The following PLEK variants were observed in gnomAD, a reference collection of about 807,000 sequenced individuals.
PLEK encodes the protein pleckstrin.
A neutral mutation model predicts 43.9 loss-of-function variants in PLEK; 25 were observed. That is an observed-to-expected ratio of 0.57 (90% CI 0.41 to 0.79). PLEK has a LOEUF of 0.79. Ranked by LOEUF, PLEK falls within the 30% of genes least tolerant of loss-of-function variation. PLEK has a pLI of 0.00. For synonymous variants in PLEK, 152 were observed against 144.4 expected, an observed-to-expected ratio of 1.05 and a Z score of -0.38; for missense variants, 396 against 413.3, an observed-to-expected ratio of 0.96 and a Z score of 0.36.
At chr2:68,368,930 G>A (rs1673338334) in intron 1 of PLEK, among the ~76,000 whole-genome samples, 1 of 152,188 alleles carries the variant, frequency 6.6e-6, no homozygotes, top group East Asian at 1.9e-4. Flanking sequence ...ATGGGAAAGG[G>A]AAGGGCAAGC....
chr2:68,393,775 A>G (rs748431220), intron 7 of PLEK, among the ~76,000 whole-genome samples: 2 of 152,178 alleles, frequency 1.3e-5, no homozygotes, highest in Non-Finnish European at 2.9e-5. Flanking sequence ...CATCAGGTGC[A>G]TGGGACCAAA....
chr2:68,376,777 A>G (rs1558497293), intron 1 of PLEK, among the ~76,000 whole-genome samples: 1 of 152,162 alleles, frequency 6.6e-6, no homozygotes, highest in South Asian at 2.1e-4. Flanking sequence ...AAACAATCCA[A>G]TTACGCTCTT....
intron 1 of PLEK, among the ~76,000 whole-genome samples, chr2:68,370,694 C>T (rs553915521): frequency 1.3e-5 from 2 of 152,172 alleles, no homozygotes; most frequent in South Asian, 2.1e-4. Context: ...CCATGTTGGC[C>T]AGGCTTGTCT....
chr2:68,382,752 A>C, intron 4 of PLEK, 119 bp downstream of exon 4: 1 of 615,298 alleles, frequency 1.6e-6, no homozygotes, highest in East Asian at 2.6e-5. Context: ...CCCAGAATGC[A>C]GCCTGGTGAG....
intron 8 of PLEK, among the ~76,000 whole-genome samples, chr2:68,394,728 G>A (rs940367344): frequency 6.6e-6 from 1 of 152,178 alleles, no homozygotes; most frequent in Non-Finnish European, 1.5e-5. Context: ...GAGCAGTGAG[G>A]GGGTTGCACT....
intron 1 of PLEK, among the ~76,000 whole-genome samples, chr2:68,378,032 A>G (rs947640848): frequency 6.6e-6 from 1 of 152,212 alleles, no homozygotes; most frequent in Non-Finnish European, 1.5e-5. Context: ...CACACTTTAT[A>G]TATAAAACAT....
intron 7 of PLEK, 111 bp downstream of exon 7, chr2:68,393,356 TG>T: frequency 1.4e-6 from 1 of 740,112 alleles, no homozygotes; most frequent in Non-Finnish European, 2.4e-6. Flanking sequence ...TTCTCTTTAC[TG>T]GCCCACTTTT....
Position 68,386,667 on chromosome 2 carries a change from C to A in PLEK, c.638C>A (p.Pro213His). ...GTAENPFLDN[P>H]DAFYYFPDSG... ...GCTGAAAACCCTTTCCTGGACAACC[C>A]TGATGCCTTCTACTACTTTGTAAGA... The change falls in exon 5 of 9, where the codon CCT (proline) becomes CAT (histidine). Residue 213 changes from proline (P) to histidine (H), a missense_variant. Physicochemically the swap from Pro to His is moderately conservative, Grantham distance 77. Transcript: ENST00000234313. 1.9e-6 allele frequency: 3 copies of A among 1,613,188 alleles called. No individual in the cohort carries two copies. The highest frequency in any genetic ancestry group is 2.5e-6 in the Non-Finnish European group (3 of 1,179,298).
chr2:68,395,107 T>A (rs2165920), intron 8 of PLEK, among the ~76,000 whole-genome samples: 3 of 151,622 alleles, frequency 2.0e-5, no homozygotes, highest in Non-Finnish European at 4.4e-5. Context: ...TCTGACTTAG[T>A]GCTTGATGAA....
In PLEK at chr2:68,397,033, A is replaced by T. The variant is rs1433415775; in HGVS notation, c.*1217A>T. 1 of 152,198 alleles carries T rather than the reference A, an allele frequency of 6.6e-6. No homozygotes were observed. Among genetic ancestry groups the T allele is most frequent in the Non-Finnish European group, 1.5e-5 (1 of 68,022 alleles). The allele number at this position is 152,198 out of a possible 1,614,324, so 9.4% of individuals were successfully genotyped here. A position where few individuals can be genotyped will look rare whatever the true frequency, so the allele number is the denominator to read the frequency against. On this transcript the variant is annotated 3_prime_UTR_variant, in exon 9 of 9. Coordinates refer to ENST00000234313, the MANE Select transcript of PLEK (RefSeq NM_002664.3). ...CCCTATGATTAACCAGAGTGATCTA[A>T]CCTAGACTAAAATTGGGAACTTATT...
chr2:68,386,970 G>C (rs1282724835), intron 5 of PLEK, among the ~76,000 whole-genome samples: 2 of 151,972 alleles, frequency 1.3e-5, no homozygotes, highest in East Asian at 3.9e-4. Flanking sequence ...AATTTTTAAA[G>C]GACATTTTAA....
chr2:68,383,476 A>G (rs962887530), intron 4 of PLEK, among the ~76,000 whole-genome samples: 1 of 151,068 alleles, frequency 6.6e-6, no homozygotes, highest in African/African-American at 2.5e-5. Flanking sequence ...GAGCCAGGGC[A>G]GAGGATGAGC....
chr2:68,375,182 C>T (rs1196086764), intron 1 of PLEK, among the ~76,000 whole-genome samples: 2 of 152,114 alleles, frequency 1.3e-5, no homozygotes, highest in Non-Finnish European at 2.9e-5. Flanking sequence ...AGTTATTCTA[C>T]CTCCTTGTCA....
At chr2:68,370,594 T>C (rs1673380450) in intron 1 of PLEK, among the ~76,000 whole-genome samples, 1 of 152,226 alleles carries the variant, frequency 6.6e-6, no homozygotes, top group Admixed American at 6.5e-5. Flanking sequence ...CAAGTGATTC[T>C]CTTACATCAG....
chr2:68,380,598 A>C lies in PLEK; in HGVS notation c.198+115A>C, dbSNP rs923285856. ...GGGCTGGTCCCTCTCACCACCACCC[A>C]CACCCCACCCTGGCATTTGGGTTTC... On this transcript the variant is annotated intron_variant, in intron 2 of 8. Coordinates refer to ENST00000234313, the MANE Select transcript of PLEK (RefSeq NM_002664.3). 3 of 1,388,892 alleles carry C rather than the reference A, an allele frequency of 2.2e-6. No individual in the cohort carries two copies. The East Asian group carries it at 6.9e-5, about 32-fold the overall frequency. 86.0% of individuals were successfully genotyped at this position (1,388,892 alleles called of 1,614,324 possible).
chr2:68,397,273 GTT>G lies in PLEK; in HGVS notation c.*1458_*1459del, dbSNP rs1673978294. Reference sequence around the variant, plus strand: ...ATTCCCCTGTAACATTCCTGAAGCTGTTCCCACTCCCAGATGGTTTTATCAAT... The same window carrying G: ...ATTCCCCTGTAACATTCCTGAAGCTGCCCACTCCCAGATGGTTTTATCAAT... On this transcript the variant is annotated 3_prime_UTR_variant, in exon 9 of 9. Coordinates refer to ENST00000234313, the MANE Select transcript of PLEK (RefSeq NM_002664.3). 1 of 152,086 alleles carries G rather than the reference GTT, an allele frequency of 6.6e-6. No homozygotes were observed. Among genetic ancestry groups the G allele is most frequent in the Non-Finnish European group, 1.5e-5 (1 of 68,020 alleles). The allele number at this position is 152,086 out of a possible 1,614,324, so 9.4% of individuals were successfully genotyped here.
At chr2:68,377,376 C>T (rs1313766862) in intron 1 of PLEK, among the ~76,000 whole-genome samples, 2 of 152,192 alleles carry the variant, frequency 1.3e-5, no homozygotes, top group Non-Finnish European at 2.9e-5. Context: ...TACTAATTTA[C>T]ATTCCCACCA....
chr2:68,394,387 C>A (rs1369064140), intron 8 of PLEK, among the ~76,000 whole-genome samples: 2 of 152,176 alleles, frequency 1.3e-5, no homozygotes, highest in East Asian at 3.8e-4. Flanking sequence ...GCCTGGCTAA[C>A]GTGGTGAAAC....
intron 6 of PLEK, among the ~76,000 whole-genome samples, chr2:68,392,111 CTTCT>C (rs1309512192): frequency 1.3e-5 from 2 of 148,972 alleles, no homozygotes; most frequent in Non-Finnish European, 1.5e-5. Flanking sequence ...CTTTCTTCTT[CTTCT>C]TTCTTTCTTC....
Sources: gnomAD v4.1 joint callset for allele counts (sites outside exome capture counted in the v4.1 genomes callset) on GRCh38, gnomAD v4.1.1 for gene constraint, MANE v1.5 for transcripts, NCBI Gene and HGNC (gene_info 2026-07-23, HGNC 2026-07-21) for gene names.